Variants in LDB2 observed in about 807,000 individuals in gnomAD.
LDB2 encodes LIM domain-binding protein 2.
In LDB2, 12 loss-of-function variants were observed where a neutral mutation model predicts 44.3. That is an observed-to-expected ratio of 0.27 (90% CI 0.17 to 0.44). LDB2 has a LOEUF of 0.44. Ranked by LOEUF, LDB2 falls within the 20% of genes least tolerant of loss-of-function variation. The pLI, the probability that LDB2 is intolerant of heterozygous loss-of-function variation, is 1.00. For missense variants in LDB2, 344 were observed against 473.5 expected, an observed-to-expected ratio of 0.73 and a Z score of 2.54; for synonymous variants, 164 against 174.8, an observed-to-expected ratio of 0.94 and a Z score of 0.49.
intron 1 of LDB2, among the ~76,000 whole-genome samples, chr4:16,887,062 C>CAAAAAAA (rs1721956160): frequency 2.4e-5 from 2 of 83,456 alleles, no homozygotes; most frequent in African/African-American, 9.6e-5. Context: ...AAAAAAAAAT[C>CAAAAAAA]AACACTGTTT....
intron 1 of LDB2, among the ~76,000 whole-genome samples, chr4:16,832,787 A>G (rs921390012): frequency 6.6e-6 from 1 of 152,246 alleles, no homozygotes; most frequent in Non-Finnish European, 1.5e-5. Context: ...AAGTACCACC[A>G]GTACTACTGA....
At chr4:16,869,912 G>A (rs1197026402) in intron 1 of LDB2, among the ~76,000 whole-genome samples, 1 of 152,172 alleles carries the variant, frequency 6.6e-6, no homozygotes, top group Non-Finnish European at 1.5e-5. Flanking sequence ...CAACACTCAG[G>A]ATGTTCCTTG....
intron 1 of LDB2, among the ~76,000 whole-genome samples, chr4:16,895,197 A>T (rs761318609): frequency 5.3e-5 from 8 of 151,986 alleles, no homozygotes; most frequent in Non-Finnish European, 1.2e-4. Flanking sequence ...AGGAACCAAG[A>T]CCCATGCTAA....
chr4:16,810,037 G>A (rs1779540868), intron 1 of LDB2, among the ~76,000 whole-genome samples: 1 of 152,222 alleles, frequency 6.6e-6, no homozygotes, highest in African/African-American at 2.4e-5. Context: ...TCCGTTCTGA[G>A]TGGAATGCTT....
At chr4:16,648,973 T>A (rs948114487) in intron 2 of LDB2, among the ~76,000 whole-genome samples, 7 of 152,012 alleles carry the variant, frequency 4.6e-5, no homozygotes, top group Admixed American at 6.6e-5. Context: ...GATTTTTTTT[T>A]AAAAGTCAGA....
At chr4:16,886,918 A>G (rs527408218) in intron 1 of LDB2, among the ~76,000 whole-genome samples, 112 of 151,400 alleles carry the variant, frequency 7.4e-4, no homozygotes, top group African/African-American at 2.6e-3. Flanking sequence ...CTGTAGTCCC[A>G]GCTACTCGTG....
At chr4:16,740,730 A>G (rs1763084649) in intron 2 of LDB2, among the ~76,000 whole-genome samples, 1 of 152,246 alleles carries the variant, frequency 6.6e-6, no homozygotes, top group South Asian at 2.1e-4. Context: ...ATACTAAGTG[A>G]CAATTATTCT....
At chr4:16,666,204 C>A (rs900570807) in intron 2 of LDB2, among the ~76,000 whole-genome samples, 2 of 152,188 alleles carry the variant, frequency 1.3e-5, no homozygotes, top group Admixed American at 6.5e-5. Flanking sequence ...TGTGTTTTAT[C>A]AAAATCCACA....
chr4:16,717,509 T>C (rs1757333708), intron 2 of LDB2, among the ~76,000 whole-genome samples: 1 of 152,126 alleles, frequency 6.6e-6, no homozygotes, highest in Admixed American at 6.6e-5. Context: ...CTGAGAAGTT[T>C]TCCCAGAGGA....
chr4:16,791,771 A>G (rs1012071275), intron 1 of LDB2, among the ~76,000 whole-genome samples: 1 of 152,068 alleles, frequency 6.6e-6, no homozygotes, highest in African/African-American at 2.4e-5. Flanking sequence ...GCACGAAGAA[A>G]CCAGCACTTT....
At chr4:16,564,459 C>T (rs770697724) in intron 5 of LDB2, among the ~76,000 whole-genome samples, 4 of 152,318 alleles carry the variant, frequency 2.6e-5, no homozygotes, top group African/African-American at 4.8e-5. Context: ...TCTTCCTGTC[C>T]GTATTCAGTG....
At chr4:16,528,522 G>A (rs899235890) in intron 5 of LDB2, among the ~76,000 whole-genome samples, 1 of 152,216 alleles carries the variant, frequency 6.6e-6, no homozygotes, top group African/African-American at 2.4e-5. Context: ...TTGAATAGAG[G>A]TAGACCAGTA....
chr4:16,632,655 T>A (rs953836440), intron 2 of LDB2, among the ~76,000 whole-genome samples: 4 of 152,178 alleles, frequency 2.6e-5, no homozygotes, highest in Admixed American at 2.0e-4. Flanking sequence ...TGTTTGCAGA[T>A]AACATGATTG....
chr4:16,675,934 C>T (rs10027272), intron 2 of LDB2, among the ~76,000 whole-genome samples: 85,533 of 151,968 alleles, frequency 0.56, 24,051 homozygotes, highest in Admixed American at 0.61. Flanking sequence ...CTGTTTGTGC[C>T]TGATTAAACA....
chr4:16,690,977 G>A (rs927400147), intron 2 of LDB2, among the ~76,000 whole-genome samples: 6 of 152,120 alleles, frequency 3.9e-5, no homozygotes, highest in African/African-American at 1.4e-4. Context: ...TCTTAAAAAT[G>A]AGCACTCCAC....
chr4:16,715,115 C>T (rs1040022565), intron 2 of LDB2, among the ~76,000 whole-genome samples: 1 of 152,096 alleles, frequency 6.6e-6, no homozygotes, highest in Admixed American at 6.6e-5. Flanking sequence ...CACACAACAG[C>T]CCGATGTGAT....
chr4:16,524,403 T>C lies in LDB2; in HGVS notation c.616-12299A>G, dbSNP rs374797938. Among the ~76,000 whole-genome samples, 75 of 152,152 alleles carry C rather than the reference T, an allele frequency of 4.9e-4. No homozygotes were observed. In the South Asian group the frequency reaches 0.015, roughly 31 times the overall value. On this transcript the variant is annotated intron_variant, in intron 5 of 7. Coordinates refer to ENST00000304523, the MANE Select transcript of LDB2 (RefSeq NM_001290.5). ...TTAAGTTGAGACATACAAAGATGAA[T>C]TAGGAGTCAGCCAGGTGAAAGAGAA... is the stretch of plus-strand genomic sequence containing the variant.
intron 5 of LDB2, among the ~76,000 whole-genome samples, chr4:16,564,942 T>C (rs1743946641): frequency 6.6e-6 from 1 of 152,230 alleles, no homozygotes; most frequent in African/African-American, 2.4e-5. Flanking sequence ...GACAATGACA[T>C]CATATAAGAG....
chr4:16,658,513 C>T (rs757268214), intron 2 of LDB2, among the ~76,000 whole-genome samples: 1 of 151,912 alleles, frequency 6.6e-6, no homozygotes, highest in Non-Finnish European at 1.5e-5. Flanking sequence ...GAACACACTC[C>T]ATCTACAGGG....
Sources: allele counts gnomAD v4.1 joint callset (sites outside exome capture counted in the v4.1 genomes callset), GRCh38; gene constraint gnomAD v4.1.1; transcripts MANE v1.5; gene names NCBI Gene and HGNC (gene_info 2026-07-23, HGNC 2026-07-21).